CAMTA1: variants seen among roughly 807,000 people sequenced by gnomAD.
The protein encoded by CAMTA1 is calmodulin binding transcription activator 1.
A neutral mutation model predicts 170.9 loss-of-function variants in CAMTA1; 27 were observed. The observed-to-expected ratio is 0.16, with a 90% CI of 0.12 to 0.22. The LOEUF is 0.22. Ranked by LOEUF, CAMTA1 falls within the 10% of genes least tolerant of loss-of-function variation. CAMTA1 has a pLI of 1.00. For missense variants in CAMTA1, 1,619 were observed against 2,217.2 expected (o/e 0.73, Z 5.42); for synonymous variants, 833 against 891.5 (o/e 0.93, Z 1.17).
chr1:7,326,249 C>A (rs1033002167), intron 5 of CAMTA1, among the ~76,000 whole-genome samples: 30 of 152,164 alleles, frequency 2.0e-4, no homozygotes, highest in African/African-American at 6.8e-4. Flanking sequence ...AAACCAAATA[C>A]AAGGGAGGGC....
chr1:7,668,022 G>T (rs1025058049), intron 9 of CAMTA1, among the ~76,000 whole-genome samples: 36 of 152,174 alleles, frequency 2.4e-4, no homozygotes, highest in Admixed American at 2.0e-3. Context: ...TTCTACAGGA[G>T]AGAGCACCTT....
At chr1:7,500,221 G>C (rs1015477303) in intron 6 of CAMTA1, among the ~76,000 whole-genome samples, 2 of 145,160 alleles carry the variant, frequency 1.4e-5, no homozygotes, top group African/African-American at 5.3e-5. Flanking sequence ...ATGTATATGA[G>C]TGTATGTGTG....
At chr1:6,989,816 C>T (rs1696024634) in intron 3 of CAMTA1, among the ~76,000 whole-genome samples, 1 of 152,134 alleles carries the variant, frequency 6.6e-6, no homozygotes, top group Non-Finnish European at 1.5e-5. Flanking sequence ...ATTTCCATTA[C>T]CTAGACCTTT....
At chr1:7,449,842 C>T (rs546801612) in intron 5 of CAMTA1, among the ~76,000 whole-genome samples, 1 of 151,578 alleles carries the variant, frequency 6.6e-6, no homozygotes, top group South Asian at 2.1e-4. Context: ...AGTGGAACGG[C>T]AGGGACTCAG....
intron 6 of CAMTA1, among the ~76,000 whole-genome samples, chr1:7,498,492 AGTGAGT>A (rs1213627069): frequency 4.0e-5 from 6 of 151,044 alleles, no homozygotes; most frequent in African/African-American, 7.3e-5. Flanking sequence ...CATGTATGAG[AGTGAGT>A]GTGGGTGTGG....
Position 7,769,005 on chromosome 1 carries a change from T to A in CAMTA1, c.*2514T>A, listed in dbSNP as rs547776987. ...AGTGGATTTGCTTTAACCCTCACAT[T>A]TTTTTTTTAATGTTTCACATGTTAC... On this transcript the variant is annotated 3_prime_UTR_variant, in exon 23 of 23. Coordinates refer to ENST00000303635, the MANE Select transcript of CAMTA1 (RefSeq NM_015215.4). 1 of 94,860 alleles carries A rather than the reference T, an allele frequency of 1.1e-5. No individual in the cohort carries two copies. The highest frequency in any genetic ancestry group is 9.5e-5 in the Admixed American group (1 of 10,578). 5.9% of individuals were successfully genotyped at this position (94,860 alleles called of 1,614,324 possible). A position where few individuals can be genotyped will look rare whatever the true frequency, so the allele number is the denominator to read the frequency against.
intron 4 of CAMTA1, among the ~76,000 whole-genome samples, chr1:7,126,697 A>T (rs1318113574): frequency 6.6e-6 from 1 of 152,240 alleles, no homozygotes; most frequent in Non-Finnish European, 1.5e-5. Flanking sequence ...ACCAATGCAT[A>T]GCTTGCAACA....
chr1:7,613,506 G>A (rs1228378896), intron 6 of CAMTA1, among the ~76,000 whole-genome samples: 6 of 152,154 alleles, frequency 3.9e-5, no homozygotes, highest in South Asian at 2.1e-4. Flanking sequence ...GCACGGAGGC[G>A]CAGAGGCAGC....
chr1:6,906,981 C>T (rs914910639), intron 3 of CAMTA1, among the ~76,000 whole-genome samples: 1 of 152,210 alleles, frequency 6.6e-6, no homozygotes, highest in Admixed American at 6.5e-5. Flanking sequence ...CCCCCGCGTC[C>T]CAGCCCTGTG....
At chr1:7,407,131 A>G (rs1423186243) in intron 5 of CAMTA1, among the ~76,000 whole-genome samples, 1 of 152,224 alleles carries the variant, frequency 6.6e-6, no homozygotes, top group Non-Finnish European at 1.5e-5. Flanking sequence ...CCTTCTGAGC[A>G]GGTTCTGGTG....
chr1:7,508,753 C>T (rs916910851), intron 6 of CAMTA1, among the ~76,000 whole-genome samples: 1 of 152,136 alleles, frequency 6.6e-6, no homozygotes, highest in Non-Finnish European at 1.5e-5. Context: ...GAGGGACAGT[C>T]CTAGAATAGG....
intron 6 of CAMTA1, among the ~76,000 whole-genome samples, chr1:7,579,588 C>T (rs1291608583): frequency 7.9e-5 from 8 of 101,046 alleles, no homozygotes; most frequent in African/African-American, 3.9e-4. Flanking sequence ...GAGATAGAGT[C>T]TCACTCTGTC....
chr1:6,979,445 C>A (rs1345597219), intron 3 of CAMTA1, among the ~76,000 whole-genome samples: 2 of 152,192 alleles, frequency 1.3e-5, no homozygotes, highest in African/African-American at 4.8e-5. Flanking sequence ...GGGGAGGAGT[C>A]TCTGGGAAGA....
intron 6 of CAMTA1, among the ~76,000 whole-genome samples, chr1:7,501,094 T>C (rs966560252): frequency 2.0e-5 from 3 of 152,202 alleles, no homozygotes; most frequent in African/African-American, 7.2e-5. Flanking sequence ...CCACCCCTCG[T>C]CCTTGACACC....
chr1:6,868,837 C>T (rs1667533243), intron 3 of CAMTA1, among the ~76,000 whole-genome samples: 1 of 152,154 alleles, frequency 6.6e-6, no homozygotes, highest in South Asian at 2.1e-4. Flanking sequence ...CTTTCAGCCT[C>T]CATGTAACTC....
At chr1:6,943,299 A>C (rs1448673524) in intron 3 of CAMTA1, among the ~76,000 whole-genome samples, 2 of 151,664 alleles carry the variant, frequency 1.3e-5, no homozygotes, top group East Asian at 3.9e-4. Flanking sequence ...TCAGGGCTCA[A>C]CTGTGGTCCC....
At chr1:7,057,865 G>A (rs1707601157) in intron 3 of CAMTA1, among the ~76,000 whole-genome samples, 1 of 152,224 alleles carries the variant, frequency 6.6e-6, no homozygotes, top group East Asian at 1.9e-4. Flanking sequence ...AACTTTTGGA[G>A]CCACAGCTGG....
At chr1:7,578,542 G>A (rs1289764802) in intron 6 of CAMTA1, among the ~76,000 whole-genome samples, 1 of 152,232 alleles carries the variant, frequency 6.6e-6, no homozygotes, top group East Asian at 1.9e-4. Flanking sequence ...GAAAGGACAC[G>A]TGCATCCAAG....
rs542432091 is a variant in CAMTA1, at chr1:7,677,857, C to G, written c.2914+124C>G. The G allele has an allele frequency of 7.6e-4, 868 of 1,142,814 alleles. 9 individuals are homozygous for G. The highest frequency in any genetic ancestry group is 8.9e-4 in the Middle Eastern group (4 of 4,514). 70.8% of individuals were successfully genotyped at this position (1,142,814 alleles called of 1,614,324 possible). A position where few individuals can be genotyped will look rare whatever the true frequency, so the allele number is the denominator to read the frequency against. ...GGGCAGGAAGTGGTGCCAATGTGAG[C>G]AAAGGAAGGCCGACTGGGTCTCCAC... On this transcript the variant is annotated intron_variant, in intron 11 of 22. Coordinates refer to ENST00000303635, the MANE Select transcript of CAMTA1 (RefSeq NM_015215.4).
Sources: gnomAD v4.1 joint callset for allele counts (sites outside exome capture counted in the v4.1 genomes callset) on GRCh38, gnomAD v4.1.1 for gene constraint, MANE v1.5 for transcripts, NCBI Gene and HGNC (gene_info 2026-07-23, HGNC 2026-07-21) for gene names.